SEMA5A: variants seen among roughly 807,000 people sequenced by gnomAD.
SEMA5A encodes the protein semaphorin-5A.
A neutral mutation model predicts 135.5 loss-of-function variants in SEMA5A; 55 were observed. The ratio of observed to expected loss-of-function variants is 0.41; its 90% CI spans 0.33 to 0.51. The LOEUF (loss-of-function observed/expected upper bound fraction) is 0.51. SEMA5A is among the 20% of genes least tolerant of loss of function. The pLI is 0.37. For missense variants in SEMA5A, 1,290 were observed against 1,419.9 expected, an observed-to-expected ratio of 0.91 and a Z score of 1.47; for synonymous variants, 580 against 546.5, an observed-to-expected ratio of 1.06 and a Z score of -0.85.
intron 1 of SEMA5A, among the ~76,000 whole-genome samples, chr5:9,496,019 G>A (rs533834460): frequency 1.1e-3 from 172 of 152,208 alleles, no homozygotes; most frequent in Non-Finnish European, 2.4e-3. Context: ...TACATAGTGG[G>A]AACTCAATAT....
intron 1 of SEMA5A, among the ~76,000 whole-genome samples, chr5:9,513,621 T>C (rs1190026481): frequency 2.2e-4 from 33 of 152,130 alleles, no homozygotes; most frequent in Non-Finnish European, 1.5e-5. Flanking sequence ...ACAAAACAGA[T>C]GGTACAATAC....
chr5:9,220,341 A>G (rs1206201816), intron 8 of SEMA5A, among the ~76,000 whole-genome samples: 1 of 152,186 alleles, frequency 6.6e-6, no homozygotes, highest in Non-Finnish European at 1.5e-5. Flanking sequence ...CCTGTGCCCC[A>G]GAAATTATTG....
chr5:9,092,808 G>T (rs1739106395), intron 16 of SEMA5A, among the ~76,000 whole-genome samples: 1 of 152,004 alleles, frequency 6.6e-6, no homozygotes, highest in Non-Finnish European at 1.5e-5. Flanking sequence ...TTGGAAAGGT[G>T]GTGACACTCT....
intron 2 of SEMA5A, among the ~76,000 whole-genome samples, chr5:9,405,625 A>G (rs1756846290): frequency 6.7e-6 from 1 of 148,796 alleles, no homozygotes; most frequent in South Asian, 2.1e-4. Context: ...AAGGATACTC[A>G]CAGCCCCCTG....
At chr5:9,263,022 A>G (rs1749485320) in intron 5 of SEMA5A, among the ~76,000 whole-genome samples, 1 of 150,914 alleles carries the variant, frequency 6.6e-6, no homozygotes, top group South Asian at 2.1e-4. Context: ...TTGGCAAGCT[A>G]AATCCATTCT....
intron 1 of SEMA5A, among the ~76,000 whole-genome samples, chr5:9,449,961 C>T (rs914110045): frequency 1.3e-5 from 2 of 152,176 alleles, no homozygotes; most frequent in Non-Finnish European, 2.9e-5. Flanking sequence ...CAGAAGAAGC[C>T]TTCAATGCTG....
intron 9 of SEMA5A, among the ~76,000 whole-genome samples, chr5:9,201,590 C>A (rs974266427): frequency 1.3e-5 from 2 of 152,118 alleles, no homozygotes; most frequent in Non-Finnish European, 2.9e-5. Context: ...TCATTATACA[C>A]AAATGCATGA....
At chr5:9,258,271 C>T (rs1481652889) in intron 5 of SEMA5A, among the ~76,000 whole-genome samples, 1 of 152,180 alleles carries the variant, frequency 6.6e-6, no homozygotes, top group African/African-American at 2.4e-5. Context: ...AATTAAGAGG[C>T]TCAGGGAACC....
At chr5:9,378,341 G>A (rs1217453187) in intron 3 of SEMA5A, among the ~76,000 whole-genome samples, 2 of 152,174 alleles carry the variant, frequency 1.3e-5, no homozygotes, top group Non-Finnish European at 2.9e-5. Context: ...ACCATTAAAT[G>A]AGCAAAATAA....
intron 4 of SEMA5A, among the ~76,000 whole-genome samples, chr5:9,331,378 G>A (rs916990): frequency 0.076 from 11,531 of 152,190 alleles, 559 homozygotes; most frequent in East Asian, 0.16. Context: ...TATTTTATGC[G>A]TCTCATAAGA....
intron 16 of SEMA5A, among the ~76,000 whole-genome samples, chr5:9,086,236 G>A (rs1158941025): frequency 6.6e-6 from 1 of 152,126 alleles, no homozygotes; most frequent in Non-Finnish European, 1.5e-5. Context: ...GGTATGATTG[G>A]TTTTGAAATG....
intron 2 of SEMA5A, among the ~76,000 whole-genome samples, chr5:9,436,250 G>A (rs1314107412): frequency 4.6e-5 from 7 of 152,110 alleles, no homozygotes; most frequent in Non-Finnish European, 8.8e-5. Flanking sequence ...CATGATAACC[G>A]CTGACCATCC....
chr5:9,538,292 T>G (rs972101250), intron 1 of SEMA5A, among the ~76,000 whole-genome samples: 3 of 148,492 alleles, frequency 2.0e-5, no homozygotes, highest in Non-Finnish European at 3.0e-5. Context: ...GTGCGCGGGG[T>G]GGGAAACACT....
chr5:9,184,769 C>T (rs1448248380), intron 11 of SEMA5A, among the ~76,000 whole-genome samples: 1 of 151,886 alleles, frequency 6.6e-6, no homozygotes, highest in Non-Finnish European at 1.5e-5. Context: ...ATTTCTCTCC[C>T]TTTTTTTTCC....
intron 1 of SEMA5A, among the ~76,000 whole-genome samples, chr5:9,497,325 A>G (rs959127375): frequency 6.6e-6 from 1 of 152,194 alleles, no homozygotes; most frequent in African/African-American, 2.4e-5. Flanking sequence ...TATTTTTAAA[A>G]AAGCCCTGAC....
chr5:9,051,808 G>GA (rs1736592083), intron 20 of SEMA5A, 65 bp downstream of exon 20: 2 of 1,588,552 alleles, frequency 1.3e-6, no homozygotes, highest in African/African-American at 2.7e-5. Context: ...TCTGACCTAT[G>GA]AATCATTTTC....
chr5:9,054,406 G>T, intron 18 of SEMA5A, 149 bp from the exon 19 acceptor site: 1 of 950,846 alleles, frequency 1.1e-6, no homozygotes, highest in Non-Finnish European at 1.5e-6. Context: ...ATAGGCACAC[G>T]TAGCAACAAG....
At chr5:9,411,042 T>C (rs1035038547) in intron 2 of SEMA5A, among the ~76,000 whole-genome samples, 5 of 151,980 alleles carry the variant, frequency 3.3e-5, no homozygotes, top group African/African-American at 7.3e-5. Flanking sequence ...TGAAAAACTA[T>C]GTATACTGTG....
intron 5 of SEMA5A, among the ~76,000 whole-genome samples, chr5:9,254,591 T>G (rs963519798): frequency 6.6e-6 from 1 of 152,120 alleles, no homozygotes; most frequent in Non-Finnish European, 1.5e-5. Context: ...GGTCAGACCA[T>G]GGTGTTTCAT....
Sources: gnomAD v4.1 joint callset for allele counts (sites outside exome capture counted in the v4.1 genomes callset) on GRCh38, gnomAD v4.1.1 for gene constraint, MANE v1.5 for transcripts, NCBI Gene and HGNC (gene_info 2026-07-23, HGNC 2026-07-21) for gene names.